RYR1: variants seen among roughly 807,000 people sequenced by gnomAD.
RYR1 encodes the protein ryanodine receptor 1.
RYR1 carries 342 observed loss-of-function variants against 583.5 expected under a neutral mutation model. The observed-to-expected ratio is 0.59, with a 90% CI of 0.54 to 0.64. The LOEUF (loss-of-function observed/expected upper bound fraction) is 0.64, where lower values mean the gene tolerates loss of function less well. Ranked by LOEUF, RYR1 falls within the 30% of genes least tolerant of loss-of-function variation. The pLI is 0.00. For synonymous variants in RYR1, 2,791 were observed against 2,822.5 expected, an observed-to-expected ratio of 0.99 and a Z score of 0.35; for missense variants, 6,032 against 6,917.2, an observed-to-expected ratio of 0.87 and a Z score of 4.54.
chr19:38,525,102 A>G (rs899221943), intron 70 of RYR1, among the ~76,000 whole-genome samples: 4 of 152,172 alleles, frequency 2.6e-5, no homozygotes, highest in African/African-American at 9.7e-5. Context: ...TTAAAAAACA[A>G]GAAACTGGGA....
chr19:38,439,349 G>A (rs1326147534), intron 1 of RYR1, among the ~76,000 whole-genome samples: 5 of 152,240 alleles, frequency 3.3e-5, no homozygotes, highest in African/African-American at 7.2e-5. Context: ...ACAGGCATAC[G>A]CCACCATGCC....
At position 38,444,570 on chromosome 19, in the gene RYR1, C is replaced by A. The variant is rs749485503; in HGVS notation, c.538-14C>A. 4 of 1,611,570 alleles carry A rather than the reference C, an allele frequency of 2.5e-6. No homozygotes were observed. The South Asian group carries it at 3.3e-5, about 13-fold the overall frequency. ...TGCAATCGTCTCTGACTGCCGCATC[C>A]TGGTGGCCCCCAGCACCTGTCGACC... On this transcript the variant is annotated splice_polypyrimidine_tract_variant and intron_variant, in intron 6 of 105. Coordinates refer to ENST00000359596, the MANE Select transcript of RYR1 (RefSeq NM_000540.3). This position sits in a 1 kb window ranked among gnomAD's most constrained non-coding sequence, Gnocchi z 5.1.
intron 66 of RYR1, among the ~76,000 whole-genome samples, chr19:38,518,421 A>G (rs1971073373): frequency 6.6e-6 from 1 of 151,224 alleles, no homozygotes; most frequent in African/African-American, 2.4e-5. Flanking sequence ...AAAAAAAAAA[A>G]AAGAAATATT....
intron 87 of RYR1, among the ~76,000 whole-genome samples, chr19:38,545,371 G>A (rs2960317): frequency 1.3e-5 from 2 of 152,002 alleles, no homozygotes; most frequent in East Asian, 1.9e-4. Context: ...GACCTTAGGC[G>A]CAGAATGCAG....
Position 38,500,007 on chromosome 19 carries a change from A to G in RYR1, c.7314A>G (p.Pro2438=), listed in dbSNP as rs1471067462. ...TCGACCTGCTCGGACGCTGTGCACC[A>G]GAGATGCATGTGAGACCCTGAGCCA... ...ALIDLLGRCA[P]EMHLIQAGKG... Residue 2438 remains proline (P), a synonymous_variant, in exon 45 of 106, where the codon CCA becomes CCG. Transcript: ENST00000359596. This position sits in a 1 kb window ranked among gnomAD's most constrained non-coding sequence, Gnocchi z 5.9. 6.2e-7 allele frequency: 1 copy of G among 1,614,044 alleles called. No individual in the cohort carries two copies. Among genetic ancestry groups the G allele is most frequent in the East Asian group, 2.2e-5 (1 of 44,866 alleles).
chr19:38,500,774 C>T lies in RYR1; in HGVS notation c.7445-47C>T, dbSNP rs933465122. The T allele has an allele frequency of 4.3e-6, 7 of 1,613,824 alleles. No homozygotes were observed. The highest frequency in any genetic ancestry group is 1.1e-5 in the South Asian group (1 of 91,086). On this transcript the variant is annotated intron_variant, in intron 46 of 105. Coordinates refer to ENST00000359596, the MANE Select transcript of RYR1 (RefSeq NM_000540.3). This position sits in a 1 kb window ranked among gnomAD's most constrained non-coding sequence, Gnocchi z 5.9. ...CGAAGGAGTGATGCTGGGGAGGGAG[C>T]GGCTGGGTCCGCAGGGCATCCCCGA...
chr19:38,503,669 A>G (rs900232732), intron 49 of RYR1, among the ~76,000 whole-genome samples: 2 of 151,888 alleles, frequency 1.3e-5, no homozygotes, highest in African/African-American at 4.8e-5. Flanking sequence ...GCTACTCTGG[A>G]GGCTGAGGCT....
intron 47 of RYR1, among the ~76,000 whole-genome samples, chr19:38,501,458 G>A (rs752224089): frequency 6.6e-6 from 1 of 152,106 alleles, no homozygotes; most frequent in Admixed American, 6.6e-5. Context: ...AGATCGTGCC[G>A]CTGCACTCCC....
At chr19:38,514,465 G>A (rs576584190) in intron 63 of RYR1, among the ~76,000 whole-genome samples, 1 of 151,558 alleles carries the variant, frequency 6.6e-6, no homozygotes, top group East Asian at 2.0e-4. Flanking sequence ...ATTTTTAGTA[G>A]AGATGGGGTT....
In RYR1 at chr19:38,535,373, G is replaced by A. The variant is rs764827061; in HGVS notation, c.11497G>A (p.Ala3833Thr). Residue 3833 changes from alanine to threonine, a missense_variant, in exon 81 of 106, where the codon GCA becomes ACA. Physicochemically the swap from Ala to Thr is moderately conservative, Grantham distance 58. Around this residue, in one of 11 missense-constraint regions of RYR1, gnomAD observed 1,493 missense variants for 1,715.5 expected, o/e 0.87. Transcript: ENST00000359596. ...KEVGFFQSIQ[A>T]LMQTCSVLDL... is the part of the protein sequence containing the mutation. Reference sequence around the variant, plus strand: ...AGTTGGCTTCTTCCAGAGTATCCAGGCACTGATGCAAACATGCAGGTAGGT... The same window carrying A: ...AGTTGGCTTCTTCCAGAGTATCCAGACACTGATGCAAACATGCAGGTAGGT... The A allele has an allele frequency of 1.9e-6, 3 of 1,614,044 alleles. No individual in the cohort carries two copies. In the South Asian group the frequency reaches 3.3e-5, roughly 18 times the overall value.
intron 82 of RYR1, 146 bp from the exon 83 acceptor site, chr19:38,536,604 C>T (rs951387185): frequency 9.8e-6 from 9 of 920,096 alleles, no homozygotes; most frequent in East Asian, 2.6e-5. Flanking sequence ...ATCACTCTGC[C>T]TTTCTCTCTG....
At chr19:38,566,027 G>A (rs191745458) in intron 91 of RYR1, among the ~76,000 whole-genome samples, 4 of 151,804 alleles carry the variant, frequency 2.6e-5, no homozygotes, top group Non-Finnish European at 4.4e-5. Context: ...AAAGGGCCGG[G>A]GAGAGAGAGT....
chr19:38,497,810 C>CA (rs1303320866), intron 42 of RYR1, among the ~76,000 whole-genome samples: 1 of 151,812 alleles, frequency 6.6e-6, no homozygotes, highest in Non-Finnish European at 1.5e-5. Context: ...CTTGTCTCTA[C>CA]AAAAAATACA....
chr19:38,452,928 G>A lies in RYR1; in HGVS notation c.1354G>A (p.Glu452Lys), dbSNP rs1207497085. Residue 452 changes from glutamate to lysine, a missense_variant, in exon 13 of 106, where the codon GAG (glutamate) becomes AAG (lysine). Physicochemically the swap from Glu to Lys is moderately conservative, Grantham distance 56. Around this residue, in one of 11 missense-constraint regions of RYR1, gnomAD observed 2,627 missense variants for 2,961.3 expected, o/e 0.89. Transcript: ENST00000359596. ...LSLQDLIIYFEPPSEDLQHEE... is the reference protein window; with the variant it reads ...LSLQDLIIYFKPPSEDLQHEE... ...CCTGCAGGACCTCATCATCTACTTC[G>A]AGCCTCCCTCCGAGGACTTGCAGCA... The A allele has an allele frequency of 3.1e-6, 5 of 1,613,970 alleles. No homozygotes were observed. The highest frequency in any genetic ancestry group is 1.7e-6 in the Non-Finnish European group (2 of 1,179,878).
intron 71 of RYR1, among the ~76,000 whole-genome samples, chr19:38,525,973 G>C (rs927760271): frequency 6.6e-6 from 1 of 151,768 alleles, no homozygotes; most frequent in Admixed American, 6.6e-5. Context: ...GGTTCCTGCT[G>C]AGCCCTTGGC....
Position 38,561,376 on chromosome 19 carries a change from C to T in RYR1, c.12546C>T (p.Ile4182=), listed in dbSNP as rs1740396895. The T allele has an allele frequency of 6.2e-7, 1 of 1,613,584 alleles. No homozygotes were observed. Among genetic ancestry groups the T allele is most frequent in the African/African-American group, 1.3e-5 (1 of 74,940 alleles). The change falls in exon 90 of 106, where the codon ATC becomes ATT. Residue 4182 remains isoleucine, a synonymous_variant. Coordinates refer to ENST00000359596, the MANE Select transcript of RYR1 (RefSeq NM_000540.3). The surrounding 1 kb of genome is among the most constrained non-coding windows in gnomAD (Gnocchi z 4.8). The stretch of plus-strand genomic sequence containing the variant: ...GCCCCTACCTGGGCCGCATCGAGAT[C>T]ATGGGCGCGTCACGCCGCATCGAGC... ...YFRPYLGRIE[I]MGASRRIERI... is the part of the protein sequence containing the mutation.
At chr19:38,441,260 G>A (rs1287578525) in intron 2 of RYR1, among the ~76,000 whole-genome samples, 2 of 150,450 alleles carry the variant, frequency 1.3e-5, no homozygotes, top group Non-Finnish European at 3.0e-5. Context: ...GGACGGCTGG[G>A]GCGTGGGGAG....
rs73930595 is a variant in RYR1, at chr19:38,496,377, A to G, written c.6664-32A>G. The G allele has an allele frequency of 0.036, 57,801 of 1,613,678 alleles. 1,622 individuals carry two copies. The highest frequency in any genetic ancestry group is 0.14 in the African/African-American group (10,179 of 75,016). On this transcript the variant is annotated intron_variant, in intron 40 of 105. Coordinates refer to ENST00000359596, the MANE Select transcript of RYR1 (RefSeq NM_000540.3). The surrounding 1 kb of genome is among the most constrained non-coding windows in gnomAD (Gnocchi z 4.8). ...GGGAGCTCAGGGGAGGCAGCCACAG[A>G]GGGCAGGCCCTGACCACCCTGCCTG...
chr19:38,528,279 G>A (rs776900781), intron 73 of RYR1, 27 bp from the exon 74 acceptor site: 1 of 1,593,810 alleles, frequency 6.3e-7, no homozygotes, highest in East Asian at 2.2e-5. Context: ...GTCTGGGGAT[G>A]TGACTGTCCT....
Sources: allele counts gnomAD v4.1 joint callset (sites outside exome capture counted in the v4.1 genomes callset), GRCh38; gene constraint gnomAD v4.1.1; regional missense constraint gnomAD v4.1.1; non-coding constraint Gnocchi (gnomAD v3.1); transcripts MANE v1.5; gene names NCBI Gene and HGNC (gene_info 2026-07-23, HGNC 2026-07-21).